EMC3: variants seen among roughly 807,000 people sequenced by gnomAD.
The protein encoded by EMC3 is ER membrane protein complex subunit 3, also known as 30 kDa protein.
Under a neutral mutation model 36.6 loss-of-function variants are expected in EMC3, and 13 were observed. The ratio of observed to expected loss-of-function variants is 0.35; its 90% CI spans 0.23 to 0.56. EMC3 has a LOEUF of 0.56. Ranked by LOEUF, EMC3 falls within the 20% of genes least tolerant of loss-of-function variation. The pLI is 0.84. For synonymous variants in EMC3, 120 were observed against 111.9 expected, an observed-to-expected ratio of 1.07 and a Z score of -0.46; for missense variants, 220 against 324.5, an observed-to-expected ratio of 0.68 and a Z score of 2.47.
chr3:9,974,118 C>T (rs1204380925), intron 4 of EMC3, among the ~76,000 whole-genome samples: 1 of 152,208 alleles, frequency 6.6e-6, no homozygotes, highest in Non-Finnish European at 1.5e-5. Flanking sequence ...ATACGCTTCC[C>T]TTTATCCTGC....
intron 1 of EMC3, chr3:10,010,419 A>AT (rs1348179274): frequency 6.6e-6 from 1 of 152,042 alleles, no homozygotes; most frequent in Non-Finnish European, 1.5e-5. Context: ...AAAAAAAAAA[A>AT]CTTTCACAGG....
At chr3:10,010,120 G>C (rs1284200110) in intron 1 of EMC3, 1 of 152,680 alleles carries the variant, frequency 6.5e-6, no homozygotes, top group African/African-American at 2.4e-5. Context: ...ACCCCACTGG[G>C]CACTGCTCTT....
chr3:10,010,020 C>A, intron 1 of EMC3: 1 of 152,818 alleles, frequency 6.5e-6, no homozygotes. Context: ...GGGTCCCACC[C>A]CTGCACCCAT....
upstream of EMC3, among the ~76,000 whole-genome samples, chr3:9,988,194 A>G (rs558535287): frequency 2.6e-5 from 4 of 152,260 alleles, no homozygotes; most frequent in South Asian, 6.2e-4. Context: ...ATGTGTTCAT[A>G]TGTTTTCTTA....
In EMC3 at chr3:9,977,400, T is replaced by C. The variant is rs201180129; in HGVS notation, c.202A>G (p.Ile68Val). The C allele has an allele frequency of 3.7e-6, 6 of 1,612,940 alleles. No individual in the cohort carries two copies. The highest frequency in any genetic ancestry group is 5.1e-6 in the Non-Finnish European group (6 of 1,179,676). The change falls in exon 2 of 8, where the codon ATT becomes GTT. Residue 68 changes from isoleucine (I) to valine (V), a missense_variant. Ile to Val is a conservative substitution (Grantham distance 29). Around this residue, in one of 3 missense-constraint regions of EMC3, gnomAD observed 127 missense variants for 174.6 expected, o/e 0.73. Transcript: ENST00000245046. ...AGATAAATGAGTACCTGTTTGGGAA[T>C]GTATTTTCCATTTTCCCTGAGGACT... ...SRVLRENGKY[I>V]PKQSFLTRKY...
chr3:9,975,519 AAG>A (rs1223222681), intron 3 of EMC3, among the ~76,000 whole-genome samples: 3 of 151,982 alleles, frequency 2.0e-5, no homozygotes, highest in African/African-American at 4.8e-5. Flanking sequence ...AAAAAAAAAA[AAG>A]AGATATCTTG....
At chr3:9,996,444 C>G (rs1559357725) in intron 1 of EMC3, among the ~76,000 whole-genome samples, 2 of 151,942 alleles carry the variant, frequency 1.3e-5, no homozygotes, top group Admixed American at 6.6e-5. Context: ...GACTCTATCT[C>G]AAAAATAGAC....
chr3:9,993,113 A>G (rs2124928005), intron 1 of EMC3: 2 of 712,400 alleles, frequency 2.8e-6, no homozygotes, highest in East Asian at 5.3e-5. Context: ...ACCCATTGAA[A>G]TTTTTGAATT....
chr3:10,002,126 T>C (rs2086208737), intron 1 of EMC3, among the ~76,000 whole-genome samples: 1 of 152,212 alleles, frequency 6.6e-6, no homozygotes, highest in Non-Finnish European at 1.5e-5. Flanking sequence ...TCTTTCTATT[T>C]CTGCAAACTA....
At chr3:9,980,061 T>C (rs1188629584) in intron 1 of EMC3, among the ~76,000 whole-genome samples, 1 of 150,468 alleles carries the variant, frequency 6.6e-6, no homozygotes, top group Non-Finnish European at 1.5e-5. Context: ...TCTCCCAGGC[T>C]GAACTGCAAT....
At chr3:9,987,769 CT>C (rs756741572), upstream of EMC3, 1 of 473,166 alleles carries the variant, frequency 2.1e-6, no homozygotes, top group Non-Finnish European at 3.9e-6. Flanking sequence ...ATTCTCACAA[CT>C]CTATTTTTCA....
Position 10,003,411 on chromosome 3 carries a change from A to G in EMC3, c.-242+7612T>C, listed in dbSNP as rs79741400. ...ACATAGTTGCACGGCTGAAGACAAA[A>G]ATCAAGTTGGTGGGGTCAATATTGT... On this transcript the variant is annotated intron_variant, in intron 1 of 8. Transcript: ENST00000470827. 3.7e-3 allele frequency: 1,351 copies of G among 361,052 alleles called. 18 individuals are homozygous for G. Among genetic ancestry groups the G allele is most frequent in the African/African-American group, 0.023 (1,057 of 46,890 alleles). 22.4% of individuals were successfully genotyped at this position (361,052 alleles called of 1,614,324 possible).
intron 3 of EMC3, 134 bp downstream of exon 3, chr3:9,976,823 T>C (rs1009777886): frequency 1.5e-5 from 10 of 685,782 alleles, no homozygotes; most frequent in South Asian, 7.3e-5. Flanking sequence ...TATCAGATGA[T>C]TTCTAAGGTC....
intron 1 of EMC3, among the ~76,000 whole-genome samples, chr3:9,995,052 C>G (rs1237658032): frequency 6.6e-6 from 1 of 151,982 alleles, no homozygotes; most frequent in Non-Finnish European, 1.5e-5. Context: ...AAATTGTAAA[C>G]ATTTAAAATA....
intron 1 of EMC3, chr3:10,003,629 C>A (rs1189374121): frequency 4.8e-6 from 1 of 208,634 alleles, no homozygotes; most frequent in Non-Finnish European, 9.9e-6. Context: ...TCAAAATCAT[C>A]CCCAAGGCTG....
chr3:10,007,509 T>C lies in EMC3; in HGVS notation c.-242+3514A>G, dbSNP rs746432559. 10 of 1,367,626 alleles carry C rather than the reference T, an allele frequency of 7.3e-6. No individual in the cohort carries two copies. In the South Asian group the frequency reaches 1.0e-4, roughly 14 times the overall value. 84.7% of individuals were successfully genotyped at this position (1,367,626 alleles called of 1,614,324 possible). On this transcript the variant is annotated intron_variant, in intron 1 of 8. Coordinates refer to the EMC3 transcript ENST00000470827. ...CTTTCTGCTTCGATGGTTTCTTCTT[T>C]TGATAACAGTGGCATGAAGCGCTCC...
At chr3:9,973,044 G>A (rs1392450613) in intron 5 of EMC3, among the ~76,000 whole-genome samples, 1 of 151,512 alleles carries the variant, frequency 6.6e-6, no homozygotes, top group African/African-American at 2.4e-5. Flanking sequence ...TAGCCAGGAT[G>A]GTCTCAATCT....
intron 1 of EMC3, among the ~76,000 whole-genome samples, chr3:9,995,795 A>C (rs996696322): frequency 6.6e-6 from 1 of 152,044 alleles, no homozygotes; most frequent in African/African-American, 2.4e-5. Context: ...GTGTCACCAC[A>C]ATCGGCTGAT....
At chr3:9,966,371 C>T (rs554086533) in intron 7 of EMC3, among the ~76,000 whole-genome samples, 29 of 151,344 alleles carry the variant, frequency 1.9e-4, no homozygotes, top group Non-Finnish European at 2.5e-4. Context: ...TACAGGCGCC[C>T]GCCACCACGC....
Sources: allele counts gnomAD v4.1 joint callset (sites outside exome capture counted in the v4.1 genomes callset), GRCh38; gene constraint gnomAD v4.1.1; regional missense constraint gnomAD v4.1.1; transcripts MANE v1.5; gene names NCBI Gene and HGNC (gene_info 2026-07-23, HGNC 2026-07-21).